The following PDS5A variants were observed in gnomAD, a reference collection of about 807,000 sequenced individuals.
PDS5A encodes the protein sister chromatid cohesion protein PDS5 homolog A.
Under a neutral mutation model 167.1 loss-of-function variants are expected in PDS5A, and 42 were observed. The ratio of observed to expected loss-of-function variants is 0.25; its 90% confidence interval spans 0.20 to 0.33. PDS5A has a LOEUF of 0.33. PDS5A is among the 10% of genes least tolerant of loss of function. The pLI, the probability that PDS5A is intolerant of heterozygous loss-of-function variation, is 1.00. For synonymous variants in PDS5A, 553 were observed against 554.6 expected (o/e 1.00, Z 0.04); for missense variants, 1,033 against 1,605.9 (o/e 0.64, Z 6.10).
At chr4:39,900,405 T>C in intron 14 of PDS5A, 21 bp downstream of exon 14, 1 of 1,488,914 alleles carries the variant, frequency 6.7e-7, no homozygotes, top group Non-Finnish European at 9.2e-7. Context: ...AACTATGAAT[T>C]TAAACAAATC....
At chr4:39,927,777 C>G (rs1725598205) in intron 3 of PDS5A, among the ~76,000 whole-genome samples, 184 bp downstream of exon 3, 1 of 152,104 alleles carries the variant, frequency 6.6e-6, no homozygotes, top group African/African-American at 2.4e-5. Flanking sequence ...ATCAAACAAC[C>G]AAGCAACCCA....
intron 13 of PDS5A, 84 bp from the exon 14 acceptor site, chr4:39,900,591 G>A: frequency 1.2e-6 from 1 of 808,288 alleles, no homozygotes; most frequent in South Asian, 1.5e-5. Context: ...GTTGCATGCT[G>A]TATATACACC....
At chr4:39,850,022 T>C (rs898729892) in intron 26 of PDS5A, among the ~76,000 whole-genome samples, 5 of 151,842 alleles carry the variant, frequency 3.3e-5, no homozygotes, top group Non-Finnish European at 7.4e-5. Context: ...CCTGTAATCC[T>C]AGCACTTTGG....
At chr4:39,903,946 C>T (rs1723089539) in intron 12 of PDS5A, 94 bp downstream of exon 12, 1 of 607,548 alleles carries the variant, frequency 1.6e-6, no homozygotes, top group South Asian at 4.3e-5. Context: ...GAAGTAAATA[C>T]ATAAAAATAA....
At chr4:39,842,909 T>TTATATATATATATATATATATATA (rs71194933) in intron 30 of PDS5A, among the ~76,000 whole-genome samples, 1,354 of 91,874 alleles carry the variant, frequency 0.015, 51 homozygotes, top group African/African-American at 0.02. Flanking sequence ...TATCCTATTT[T>TTATATATATATATATATATATATA]TATATATATA....
At position 39,845,867 on chromosome 4, in the gene PDS5A, T is replaced by C; in HGVS notation, c.3353A>G (p.Asp1118Gly). 7.2e-7 allele frequency: 1 copy of C among 1,380,500 alleles called. No homozygotes were observed. Among genetic ancestry groups the C allele is most frequent in the East Asian group, 3.0e-5 (1 of 33,792 alleles). 85.5% of individuals were successfully genotyped at this position (1,380,500 alleles called of 1,614,324 possible). ...TGTCTCTTCTGAAATATAACTCTTA[T>C]CGTTACAGAAGTCCTATTAAAAAAA... is the stretch of plus-strand genomic sequence containing the variant. ...FTQPEKDFCNDKSYISEETRV... is the reference protein window; with the variant it reads ...FTQPEKDFCNGKSYISEETRV... Residue 1118 changes from aspartate to glycine, a missense_variant, in exon 29 of 33, where the codon GAT (aspartate) becomes GGT (glycine). By Grantham distance (94) the Asp-to-Gly change is moderately conservative. Transcript: ENST00000303538.
chr4:39,914,938 G>T (rs557359058), intron 8 of PDS5A, among the ~76,000 whole-genome samples: 1 of 152,132 alleles, frequency 6.6e-6, no homozygotes, highest in Non-Finnish European at 1.5e-5. Context: ...ATGTTTTAAC[G>T]TTCAAGAACA....
At chr4:39,847,175 C>T (rs1717683214) in intron 28 of PDS5A, 1 of 152,008 alleles carries the variant, frequency 6.6e-6, no homozygotes, top group Admixed American at 6.5e-5. Context: ...TCTATGAGTC[C>T]AGATAAGGTG....
At chr4:39,887,972 C>T (rs1005219414) in intron 17 of PDS5A, among the ~76,000 whole-genome samples, 9 of 152,066 alleles carry the variant, frequency 5.9e-5, no homozygotes, top group African/African-American at 1.9e-4. Flanking sequence ...GGAAAACAGG[C>T]CAGGTGCAGT....
chr4:39,881,645 C>G (rs1488807714), intron 17 of PDS5A, among the ~76,000 whole-genome samples: 1 of 152,080 alleles, frequency 6.6e-6, no homozygotes, highest in South Asian at 2.1e-4. Flanking sequence ...TGTAGAACAT[C>G]CCATCACTAT....
At chr4:39,955,437 A>G (rs1728832120) in intron 2 of PDS5A, among the ~76,000 whole-genome samples, 1 of 152,018 alleles carries the variant, frequency 6.6e-6, no homozygotes, top group African/African-American at 2.4e-5. Flanking sequence ...CCCCGTCTCT[A>G]CCAAAAATAC....
At chr4:39,917,956 A>C (rs1331236076) in intron 7 of PDS5A, among the ~76,000 whole-genome samples, 1 of 152,058 alleles carries the variant, frequency 6.6e-6, no homozygotes, top group East Asian at 2.0e-4. Context: ...GAGGCACGAC[A>C]ATCTTGAGCC....
In PDS5A at chr4:39,863,028, T is replaced by C; in HGVS notation, c.2812A>G (p.Lys938Glu). 6.2e-7 allele frequency: 1 copy of C among 1,613,824 alleles called. No individual in the cohort carries two copies. The highest frequency in any genetic ancestry group is 8.5e-7 in the Non-Finnish European group (1 of 1,179,788). The stretch of plus-strand genomic sequence containing the variant: ...GGGAGCAGTAACTTCACAAGTGCCT[T>C]ATGCAGCTTCTGAGCAAATATCTGC... Reference protein sequence around the residue: ...VRQIFAQKLHKALVKLLLPLE... With the variant: ...VRQIFAQKLHEALVKLLLPLE... Residue 938 changes from lysine to glutamate, a missense_variant, in exon 25 of 33, where the codon AAG becomes GAG. Transcript: ENST00000303538.
intron 26 of PDS5A, among the ~76,000 whole-genome samples, chr4:39,859,623 G>T (rs536225610): frequency 6.6e-6 from 1 of 152,290 alleles, no homozygotes; most frequent in South Asian, 2.1e-4. Flanking sequence ...TGCCACCACT[G>T]GTAAGAGAAA....
chr4:39,848,631 G>A, intron 28 of PDS5A: 1 of 454,658 alleles, frequency 2.2e-6, no homozygotes, highest in Non-Finnish European at 3.9e-6. Flanking sequence ...TTTAATACTA[G>A]AAATTCCTAG....
At chr4:39,967,661 TA>T (rs1336628502) in intron 2 of PDS5A, among the ~76,000 whole-genome samples, 1 of 148,030 alleles carries the variant, frequency 6.8e-6, no homozygotes, top group Admixed American at 6.8e-5. Context: ...AATAAATAAA[TA>T]AAATAAAAAT....
chr4:39,948,077 C>A (rs952931618), intron 2 of PDS5A, among the ~76,000 whole-genome samples: 2 of 151,840 alleles, frequency 1.3e-5, no homozygotes, highest in African/African-American at 4.8e-5. Flanking sequence ...AACTGCAAGA[C>A]CCCATTTCTA....
At chr4:39,944,245 G>T (rs1376530373) in intron 2 of PDS5A, among the ~76,000 whole-genome samples, 2 of 151,190 alleles carry the variant, frequency 1.3e-5, no homozygotes, top group Non-Finnish European at 2.9e-5. Flanking sequence ...GGTAAGAAAT[G>T]GTTTACTCCA....
intron 11 of PDS5A, among the ~76,000 whole-genome samples, chr4:39,907,423 C>T (rs924522871): frequency 3.3e-5 from 5 of 152,000 alleles, no homozygotes; most frequent in African/African-American, 1.2e-4. Flanking sequence ...TTCAACTACA[C>T]CTCAAATAAA....
Sources: gnomAD v4.1 joint callset for allele counts (sites outside exome capture counted in the v4.1 genomes callset) on GRCh38, gnomAD v4.1.1 for gene constraint, MANE v1.5 for transcripts, NCBI Gene and HGNC (gene_info 2026-07-23, HGNC 2026-07-21) for gene names.